TEX14: variants seen among roughly 807,000 people sequenced by gnomAD.
The protein encoded by TEX14 is inactive serine/threonine-protein kinase TEX14.
Under a neutral mutation model 178.6 loss-of-function variants are expected in TEX14, and 168 were observed. That is an observed-to-expected ratio of 0.94 (90% CI 0.83 to 1.07). The LOEUF is 1.07. Among genes scored for constraint, TEX14 ranks in the 50% least tolerant of loss-of-function variants. The probability of loss-of-function intolerance (pLI) is 0.00; values close to 1 mark genes in which losing one functional copy is unlikely to be tolerated. For missense variants in TEX14, 1,730 were observed against 1,753.6 expected (o/e 0.99, Z 0.24); for synonymous variants, 626 against 634.1 (o/e 0.99, Z 0.19).
intron 2 of TEX14, among the ~76,000 whole-genome samples, chr17:58,650,583 A>G (rs2046819316): frequency 6.6e-6 from 1 of 152,040 alleles, no homozygotes; most frequent in South Asian, 2.1e-4. Flanking sequence ...GTGGTGGACT[A>G]TAGGCATGCG....
Position 58,616,284 on chromosome 17 carries a change from G to A in TEX14, c.658C>T (p.Gln220Ter). The change falls in exon 7 of 32, where the codon CAG becomes TAG. Residue 220 changes from glutamine to a stop codon, truncating the protein, a stop_gained. Transcript: ENST00000349033. LOFTEE classifies it high-confidence loss of function. ...GGAAGAGATCCTAGATAGGCCATCT[G>A]TGTCGCCCCAGTAAGATAAAACTGA... ...FGKFYLTGATQMAYLGSLPVI... is the reference protein window; with the variant it reads ...FGKFYLTGAT The A allele has an allele frequency of 1.2e-6, 2 of 1,613,682 alleles. No homozygotes were observed. Among genetic ancestry groups the A allele is most frequent in the Non-Finnish European group, 1.7e-6 (2 of 1,179,870 alleles).
At chr17:58,585,428 G>A (rs2044931212) in intron 18 of TEX14, among the ~76,000 whole-genome samples, 1 of 151,852 alleles carries the variant, frequency 6.6e-6, no homozygotes, top group Non-Finnish European at 1.5e-5. Context: ...TTTTTTGAGA[G>A]CTGATAACTT....
rs565173540 is a variant in TEX14 at position 58,573,159 on chromosome 17, C to T, written c.3511+22G>A. The T allele has an allele frequency of 6.2e-6, 10 of 1,612,626 alleles. 1 individual carries two copies. The South Asian group carries it at 1.1e-4, about 18-fold the overall frequency. On this transcript the variant is annotated intron_variant, in intron 23 of 31. Transcript: ENST00000349033. Reference sequence around the variant, plus strand: ...GGGGCTGTAAGTCCTTCTCCCCAAACACTTCTCTTCCCTGTGATTACCTGG... The same window carrying T: ...GGGGCTGTAAGTCCTTCTCCCCAAATACTTCTCTTCCCTGTGATTACCTGG...
chr17:58,610,171 C>A (rs558507521), intron 10 of TEX14, among the ~76,000 whole-genome samples: 1 of 152,352 alleles, frequency 6.6e-6, no homozygotes, highest in South Asian at 2.1e-4. Context: ...ATTTTGACTG[C>A]CTCTCTCACT....
intron 10 of TEX14, among the ~76,000 whole-genome samples, chr17:58,607,713 C>T (rs2045642784): frequency 6.6e-6 from 1 of 152,212 alleles, no homozygotes; most frequent in Non-Finnish European, 1.5e-5. Context: ...GATGGCGATC[C>T]ATCACTGACA....
chr17:58,659,425 C>T (rs1000919235), intron 1 of TEX14: 10 of 507,820 alleles, frequency 2.0e-5, no homozygotes, highest in Middle Eastern at 9.5e-4. Flanking sequence ...TCGTATGACA[C>T]ATCTCAGACT....
intron 2 of TEX14, chr17:58,631,807 T>C (rs776567967): frequency 9.2e-5 from 14 of 152,034 alleles, no homozygotes; most frequent in Admixed American, 1.3e-4. Flanking sequence ...AGAAACACAC[T>C]ATAGAAATTA....
At chr17:58,609,571 T>C (rs945066327) in intron 10 of TEX14, among the ~76,000 whole-genome samples, 2 of 152,038 alleles carry the variant, frequency 1.3e-5, no homozygotes, top group South Asian at 2.1e-4. Flanking sequence ...CTAAAAATCA[T>C]CCATGACCCT....
chr17:58,675,689 C>T (rs2047384225), intron 1 of TEX14, among the ~76,000 whole-genome samples: 1 of 152,170 alleles, frequency 6.6e-6, no homozygotes, highest in African/African-American at 2.4e-5. Context: ...ATCTGCATTC[C>T]CCTCACCCAG....
intron 28 of TEX14, among the ~76,000 whole-genome samples, chr17:58,563,621 TTATATA>T (rs3034889): frequency 0.079 from 3,664 of 46,276 alleles, 162 homozygotes; most frequent in East Asian, 0.11. Flanking sequence ...CATCTCTAAT[TTATATA>T]TATATATATA....
intron 1 of TEX14, chr17:58,661,272 G>A (rs1410155622): frequency 1.2e-6 from 1 of 804,494 alleles, no homozygotes; most frequent in East Asian, 2.4e-5. Context: ...TTTATAAAGT[G>A]TTCGCGAGCC....
chr17:58,572,888 A>G (rs969556551), intron 23 of TEX14, among the ~76,000 whole-genome samples: 21 of 152,270 alleles, frequency 1.4e-4, no homozygotes, highest in African/African-American at 3.6e-4. Flanking sequence ...TGCAAACTCT[A>G]CAAAGCTCAA....
chr17:58,659,235 T>TCCCAAACACTA, intron 1 of TEX14: 1 of 493,452 alleles, frequency 2.0e-6, no homozygotes, highest in Non-Finnish European at 2.6e-6. Flanking sequence ...AGCAAACACA[T>TCCCAAACACTA]AGTAAAAACC....
intron 30 of TEX14, among the ~76,000 whole-genome samples, chr17:58,558,154 G>T (rs2044189101): frequency 6.6e-6 from 1 of 152,200 alleles, no homozygotes; most frequent in South Asian, 2.1e-4. Context: ...GCCCTGTGCA[G>T]TCAGGGTTCT....
chr17:58,659,155 A>G (rs970198826), intron 1 of TEX14, among the ~76,000 whole-genome samples: 2 of 151,192 alleles, frequency 1.3e-5, no homozygotes, highest in East Asian at 1.9e-4. Context: ...ACAGGACAGA[A>G]AAGCGCAAAA....
At chr17:58,635,838 C>A (rs145816869) in intron 2 of TEX14, among the ~76,000 whole-genome samples, 1 of 152,088 alleles carries the variant, frequency 6.6e-6, no homozygotes, top group African/African-American at 2.4e-5. Flanking sequence ...TAACCTCCAG[C>A]GGGTTCAAGC....
intron 11 of TEX14, among the ~76,000 whole-genome samples, chr17:58,603,265 C>A (rs2045510665): frequency 1.3e-5 from 2 of 151,784 alleles, no homozygotes; most frequent in African/African-American, 4.8e-5. Context: ...CATAAAAAAG[C>A]AGCCCTTGGC....
chr17:58,597,368 C>T (rs906362492), intron 14 of TEX14, among the ~76,000 whole-genome samples: 10 of 151,914 alleles, frequency 6.6e-5, no homozygotes, highest in East Asian at 1.9e-4. Flanking sequence ...CACTGTACTC[C>T]GGCCTGGGCA....
At chr17:58,676,860 G>A (rs1227223030) in intron 1 of TEX14, among the ~76,000 whole-genome samples, 1 of 152,066 alleles carries the variant, frequency 6.6e-6, no homozygotes, top group African/African-American at 2.4e-5. Context: ...ACCAGGTGGG[G>A]TGGCTCACGC....
Sources: gnomAD v4.1 joint callset for allele counts (sites outside exome capture counted in the v4.1 genomes callset) on GRCh38, gnomAD v4.1.1 for gene constraint, MANE v1.5 for transcripts, NCBI Gene and HGNC (gene_info 2026-07-23, HGNC 2026-07-21) for gene names.